Variants in PLCH1 observed in about 807,000 individuals in gnomAD.
PLCH1 encodes 1-phosphatidylinositol 4,5-bisphosphate phosphodiesterase eta-1.
Under a neutral mutation model 126.7 loss-of-function variants are expected in PLCH1, and 60 were observed. The ratio of observed to expected loss-of-function variants is 0.47; its 90% confidence interval spans 0.38 to 0.59. The LOEUF (loss-of-function observed/expected upper bound fraction) is 0.59. Among genes scored for constraint, PLCH1 ranks in the 20% least tolerant of loss-of-function variants. The pLI is 0.00. For missense variants in PLCH1, 1,723 were observed against 2,040.0 expected, an observed-to-expected ratio of 0.84 and a Z score of 2.99; for synonymous variants, 719 against 734.9, an observed-to-expected ratio of 0.98 and a Z score of 0.35.
intron 8 of PLCH1, among the ~76,000 whole-genome samples, chr3:155,554,780 G>A (rs1445585912): frequency 1.3e-5 from 2 of 152,186 alleles, no homozygotes; most frequent in Non-Finnish European, 1.5e-5. Flanking sequence ...TTAATCATTT[G>A]AAGACTTGTT....
At chr3:155,541,408 T>G (rs139543535) in intron 10 of PLCH1, among the ~76,000 whole-genome samples, 102 of 152,286 alleles carry the variant, frequency 6.7e-4, no homozygotes, top group African/African-American at 2.3e-3. Context: ...TTTTAAAAAG[T>G]AAGAGACATG....
chr3:155,583,179 A>G (rs889406256), intron 6 of PLCH1, among the ~76,000 whole-genome samples: 10 of 149,738 alleles, frequency 6.7e-5, no homozygotes, highest in Non-Finnish European at 1.0e-4. Flanking sequence ...GTATAAAGAA[A>G]GTATTACCAT....
At chr3:155,636,746 CAA>C (rs113079414) in intron 2 of PLCH1, among the ~76,000 whole-genome samples, 1 of 139,764 alleles carries the variant, frequency 7.2e-6, no homozygotes, top group Non-Finnish European at 1.6e-5. Flanking sequence ...AACTCCATCT[CAA>C]AAAAAAAAAA....
intron 1 of PLCH1, among the ~76,000 whole-genome samples, chr3:155,727,492 A>T (rs1367249728): frequency 6.6e-6 from 1 of 151,138 alleles, no homozygotes. Context: ...GGCTCAAGCG[A>T]TTCTCCTGCC....
downstream of PLCH1, among the ~76,000 whole-genome samples, chr3:155,478,101 G>A (rs1454906723): frequency 1.3e-5 from 2 of 152,108 alleles, no homozygotes; most frequent in Non-Finnish European, 2.9e-5. Flanking sequence ...CAACAACATG[G>A]ATGGAACTGG....
In PLCH1 at chr3:155,530,014, G is replaced by A. The variant is rs146243168; in HGVS notation, c.1363-6010C>T. On this transcript the variant is annotated intron_variant, in intron 10 of 22. Transcript: ENST00000460012. ...ACTCCTGACCTCAAGTGATCCACCC[G>A]CCTTGGCCTCCCAAGGCATTAGCCA... is the stretch of plus-strand genomic sequence containing the variant. 5.8e-3 allele frequency among the ~76,000 whole-genome samples: 884 copies of A among 152,148 alleles called. 6 individuals carry two copies. The highest frequency in any genetic ancestry group is 0.02 in the African/African-American group (821 of 41,514).
At chr3:155,672,577 T>C (rs1743625801) in intron 2 of PLCH1, among the ~76,000 whole-genome samples, 1 of 152,204 alleles carries the variant, frequency 6.6e-6, no homozygotes. Context: ...GGAGGGGTTC[T>C]CTAACTTCTT....
intron 2 of PLCH1, among the ~76,000 whole-genome samples, chr3:155,624,303 G>T (rs192601568): frequency 1.3e-5 from 2 of 152,224 alleles, no homozygotes; most frequent in East Asian, 1.9e-4. Context: ...CATACTGAAT[G>T]GGCAAAAACT....
intron 2 of PLCH1, among the ~76,000 whole-genome samples, chr3:155,615,962 A>AGATG: frequency 2.0e-5 from 3 of 152,280 alleles, no homozygotes; most frequent in Admixed American, 2.0e-4. Context: ...GTAAGATACT[A>AGATG]CTGTCCTTAC....
At chr3:155,668,635 G>C (rs1282614248) in intron 2 of PLCH1, among the ~76,000 whole-genome samples, 1 of 152,194 alleles carries the variant, frequency 6.6e-6, no homozygotes, top group Non-Finnish European at 1.5e-5. Flanking sequence ...GCTCACACCT[G>C]TAATCCCAGC....
At chr3:155,674,237 T>G (rs1577299234) in intron 2 of PLCH1, among the ~76,000 whole-genome samples, 1 of 152,178 alleles carries the variant, frequency 6.6e-6, no homozygotes, top group African/African-American at 2.4e-5. Context: ...AATTCTAAGG[T>G]AAACAACAAC....
At chr3:155,471,841 G>A (rs550363258) in intron 21 of PLCH1, among the ~76,000 whole-genome samples, 94 of 152,176 alleles carry the variant, frequency 6.2e-4, no homozygotes, top group African/African-American at 2.0e-3. Context: ...GATACATAAC[G>A]AAATGAAGGC....
In PLCH1 at chr3:155,458,393, G is replaced by A. The variant is rs866422422; in HGVS notation, c.2938+26963C>T. Among the ~76,000 whole-genome samples, 191 of 22,918 alleles carry A rather than the reference G, an allele frequency of 8.3e-3. 8 individuals carry two copies. The highest frequency in any genetic ancestry group is 0.053 in the African/African-American group (184 of 3,444). 15.0% of individuals were successfully genotyped at this position (22,918 alleles called of 152,430 possible). A position where few individuals can be genotyped will look rare whatever the true frequency, so the allele number is the denominator to read the frequency against. ...AAGAAAGAAAGAAAGAAAGAAGGAA[G>A]GAAGGAAGGAAGGAAGGAAGGAAGG... On this transcript the variant is annotated intron_variant, in intron 21 of 21. Transcript: ENST00000494598.
intron 19 of PLCH1, among the ~76,000 whole-genome samples, chr3:155,490,286 G>C (rs1363704704): frequency 6.6e-6 from 1 of 151,974 alleles, no homozygotes; most frequent in African/African-American, 2.4e-5. Context: ...TTATATTATG[G>C]CGAAAATATA....
At chr3:155,466,334 A>G (rs1381767024) in intron 21 of PLCH1, among the ~76,000 whole-genome samples, 1 of 152,212 alleles carries the variant, frequency 6.6e-6, no homozygotes, top group African/African-American at 2.4e-5. Context: ...GGAAAAGAAC[A>G]AGAGTCTTTG....
chr3:155,714,011 G>A (rs529890243), intron 1 of PLCH1, among the ~76,000 whole-genome samples: 105 of 152,234 alleles, frequency 6.9e-4, no homozygotes, highest in African/African-American at 2.4e-3. Context: ...GCCTTGCTGA[G>A]AGATAAAAGG....
rs375661944 is a variant in PLCH1, at chr3:155,518,031, T to C, written c.1471-3147A>G. On this transcript the variant is annotated intron_variant, in intron 11 of 22. Transcript: ENST00000460012. ...ACCATGGATAGTCCTGACCCCTATG[T>C]ATGCTGTGTTTTTTCCCATATAGTA... Among the ~76,000 whole-genome samples, 3 of 152,204 alleles carry C rather than the reference T, an allele frequency of 2.0e-5. No individual in the cohort carries two copies. The East Asian group carries it at 5.8e-4, about 29-fold the overall frequency.
intron 21 of PLCH1, among the ~76,000 whole-genome samples, chr3:155,474,039 C>A (rs1399473816): frequency 2.0e-5 from 3 of 152,102 alleles, no homozygotes; most frequent in Non-Finnish European, 4.4e-5. Context: ...GTCTAAAACA[C>A]CAAAAGCAGT....
intron 2 of PLCH1, among the ~76,000 whole-genome samples, chr3:155,615,639 C>G (rs1220186857): frequency 1.3e-5 from 2 of 152,030 alleles, no homozygotes; most frequent in Admixed American, 6.6e-5. Flanking sequence ...AGCTGGAGAC[C>G]ATTATTCTAA....
Sources: gnomAD v4.1 joint callset for allele counts (sites outside exome capture counted in the v4.1 genomes callset) on GRCh38, gnomAD v4.1.1 for gene constraint, MANE v1.5 for transcripts, NCBI Gene and HGNC (gene_info 2026-07-23, HGNC 2026-07-21) for gene names.